The following COL8A1 variants were observed in gnomAD, a reference collection of about 807,000 sequenced individuals.
COL8A1 encodes the protein collagen alpha-1(VIII) chain.
COL8A1 carries 21 observed loss-of-function variants against 42.7 expected under a neutral mutation model. The ratio of observed to expected loss-of-function variants is 0.49; its 90% CI spans 0.35 to 0.71. The LOEUF is 0.71. COL8A1 is among the 30% of genes least tolerant of loss of function. COL8A1 has a pLI of 0.01. For synonymous variants in COL8A1, 367 were observed against 369.1 expected, an observed-to-expected ratio of 0.99 and a Z score of 0.06; for missense variants, 788 against 962.4, an observed-to-expected ratio of 0.82 and a Z score of 2.40.
intron 1 of COL8A1, among the ~76,000 whole-genome samples, chr3:99,642,185 C>G (rs1479129734): frequency 1.3e-5 from 2 of 152,158 alleles, no homozygotes; most frequent in Admixed American, 1.3e-4. Flanking sequence ...GCATTAACCA[C>G]ATTTCAACAC....
chr3:99,782,423 G>A (rs142461831), intron 2 of COL8A1, among the ~76,000 whole-genome samples: 197 of 152,056 alleles, frequency 1.3e-3, no homozygotes, highest in African/African-American at 3.6e-3. Flanking sequence ...ATGGAGTCTC[G>A]CTCTGTTGCC....
At chr3:99,696,522 GA>G (rs1939371480) in intron 1 of COL8A1, among the ~76,000 whole-genome samples, 1 of 152,090 alleles carries the variant, frequency 6.6e-6, no homozygotes, top group Admixed American at 6.5e-5. Flanking sequence ...GCCAAGGAGG[GA>G]AACCAAAGAT....
chr3:99,681,002 A>G (rs1382658130), intron 1 of COL8A1, among the ~76,000 whole-genome samples: 2 of 152,232 alleles, frequency 1.3e-5, no homozygotes, highest in Non-Finnish European at 2.9e-5. Context: ...GATGGATTGA[A>G]GACTTAAATG....
At chr3:99,650,741 G>A in intron 1 of COL8A1, among the ~76,000 whole-genome samples, 1 of 152,030 alleles carries the variant, frequency 6.6e-6, no homozygotes, top group Non-Finnish European at 1.5e-5. Flanking sequence ...ACACAAATGA[G>A]GTACTGGATT....
chr3:99,643,184 C>T (rs1457690590), intron 1 of COL8A1, among the ~76,000 whole-genome samples: 1 of 152,094 alleles, frequency 6.6e-6, no homozygotes, highest in Non-Finnish European at 1.5e-5. Flanking sequence ...CAGTGTGGCT[C>T]CTCGTATAAT....
intron 1 of COL8A1, among the ~76,000 whole-genome samples, chr3:99,744,447 G>A (rs1940978155): frequency 6.6e-6 from 1 of 152,122 alleles, no homozygotes; most frequent in Non-Finnish European, 1.5e-5. Flanking sequence ...CCATATTAAA[G>A]CCCCATCACA....
At chr3:99,775,212 A>C (rs894321390) in intron 2 of COL8A1, among the ~76,000 whole-genome samples, 2 of 152,184 alleles carry the variant, frequency 1.3e-5, no homozygotes, top group African/African-American at 4.8e-5. Flanking sequence ...CCTGGGCTCC[A>C]GTCTCTCCTG....
chr3:99,644,548 A>G (rs1159283561), intron 1 of COL8A1, among the ~76,000 whole-genome samples: 1 of 152,246 alleles, frequency 6.6e-6, no homozygotes, highest in African/African-American at 2.4e-5. Flanking sequence ...CCTCTGAAGC[A>G]TGCCTGACAA....
At chr3:99,725,491 T>C (rs1940283830) in intron 1 of COL8A1, among the ~76,000 whole-genome samples, 1 of 151,572 alleles carries the variant, frequency 6.6e-6, no homozygotes, top group African/African-American at 2.4e-5. Flanking sequence ...TGTATACATG[T>C]GCCATGTTGG....
At chr3:99,677,711 A>C (rs954079681) in intron 1 of COL8A1, 1 of 152,176 alleles carries the variant, frequency 6.6e-6, no homozygotes, top group Non-Finnish European at 1.5e-5. Flanking sequence ...AATTTGCTAG[A>C]CTTCAGGGCC....
chr3:99,788,445 C>T (rs1941937612), intron 2 of COL8A1, among the ~76,000 whole-genome samples: 1 of 152,180 alleles, frequency 6.6e-6, no homozygotes, highest in Non-Finnish European at 1.5e-5. Flanking sequence ...AAGGGCCAAA[C>T]ATGCTAGCTT....
chr3:99,776,786 A>G (rs1941701240), intron 2 of COL8A1, among the ~76,000 whole-genome samples: 1 of 152,232 alleles, frequency 6.6e-6, no homozygotes, highest in Non-Finnish European at 1.5e-5. Flanking sequence ...ATGCTAAACA[A>G]GGGGTGGATT....
chr3:99,780,074 T>TCCA (rs1159797875), intron 2 of COL8A1, among the ~76,000 whole-genome samples: 1 of 152,174 alleles, frequency 6.6e-6, no homozygotes, highest in Non-Finnish European at 1.5e-5. Flanking sequence ...CTGCTCCTCC[T>TCCA]CCACCACCAC....
intron 1 of COL8A1, among the ~76,000 whole-genome samples, chr3:99,659,237 T>A (rs528341059): frequency 2.6e-5 from 4 of 152,178 alleles, no homozygotes; most frequent in Non-Finnish European, 5.9e-5. Context: ...TGGCTCGTGG[T>A]TGGACCTTAG....
At chr3:99,772,036 C>A (rs1002052303) in intron 2 of COL8A1, among the ~76,000 whole-genome samples, 3 of 152,152 alleles carry the variant, frequency 2.0e-5, no homozygotes, top group Admixed American at 6.6e-5. Flanking sequence ...CCTAGCAAAG[C>A]CCACATGCAT....
At chr3:99,693,875 T>G (rs1257790996) in intron 1 of COL8A1, among the ~76,000 whole-genome samples, 1 of 152,210 alleles carries the variant, frequency 6.6e-6, no homozygotes, top group Non-Finnish European at 1.5e-5. Context: ...TCCTACAGGC[T>G]CCATTCATGT....
At chr3:99,667,218 T>G (rs1938393640) in intron 1 of COL8A1, among the ~76,000 whole-genome samples, 1 of 152,176 alleles carries the variant, frequency 6.6e-6, no homozygotes, top group Non-Finnish European at 1.5e-5. Flanking sequence ...ACTATTCCTT[T>G]GGGTTCCTTG....
chr3:99,753,263 T>C (rs1941188020), intron 2 of COL8A1, among the ~76,000 whole-genome samples: 2 of 152,222 alleles, frequency 1.3e-5, no homozygotes, highest in African/African-American at 4.8e-5. Context: ...AACCACTAAC[T>C]GATCTTCTTG....
chr3:99,761,262 T>C (rs1399007075), intron 2 of COL8A1, among the ~76,000 whole-genome samples: 1 of 152,202 alleles, frequency 6.6e-6, no homozygotes, highest in Non-Finnish European at 1.5e-5. Context: ...CCAAAACACT[T>C]ACCATCTATT....
Sources: gnomAD v4.1 joint callset for allele counts (sites outside exome capture counted in the v4.1 genomes callset) on GRCh38, gnomAD v4.1.1 for gene constraint, MANE v1.5 for transcripts, NCBI Gene and HGNC (gene_info 2026-07-23, HGNC 2026-07-21) for gene names.